PRKX: variants seen among roughly 807,000 people sequenced by gnomAD.
PRKX encodes the protein cAMP-dependent protein kinase catalytic subunit PRKX.
A neutral mutation model predicts 22.0 loss-of-function variants in PRKX; 12 were observed. The observed-to-expected ratio is 0.54, with a 90% CI of 0.35 to 0.88. The LOEUF (loss-of-function observed/expected upper bound fraction) is 0.88. PRKX is among the 40% of genes least tolerant of loss of function. The pLI is 0.01. For synonymous variants in PRKX, 134 were observed against 137.7 expected (o/e 0.97, Z 0.19); for missense variants, 217 against 308.0 (o/e 0.70, Z 2.21).
chrX:3,613,272 C>T (rs770380961), intron 7 of PRKX, among the ~76,000 whole-genome samples: 20 of 106,848 alleles, frequency 1.9e-4, no homozygotes, highest in African/African-American at 2.7e-4. Context: ...GTACATACTA[C>T]GCTACTCTAG....
chrX:3,612,712 G>A (rs770084132), intron 7 of PRKX, among the ~76,000 whole-genome samples: 1 of 110,526 alleles, frequency 9.0e-6, no homozygotes, highest in Non-Finnish European at 1.9e-5. Flanking sequence ...CTTGAGCCCA[G>A]GAGGTCGATA....
chrX:3,611,913 C>A (rs758419424), intron 8 of PRKX, among the ~76,000 whole-genome samples: 2 of 111,544 alleles, frequency 1.8e-5, no homozygotes, highest in East Asian at 5.6e-4. Context: ...AACCACCTAG[C>A]GGTCTTATTT....
At chrX:3,644,332 G>T (rs1239429806) in intron 3 of PRKX, among the ~76,000 whole-genome samples, 1 of 94,192 alleles carries the variant, frequency 1.1e-5, no homozygotes, top group Non-Finnish European at 2.0e-5. Context: ...AGCCCAGGAG[G>T]TCAACACTGC....
intron 1 of PRKX, among the ~76,000 whole-genome samples, chrX:3,680,122 A>G (rs1403074064): frequency 9.4e-6 from 1 of 106,791 alleles, no homozygotes; most frequent in Non-Finnish European, 1.9e-5. Flanking sequence ...ACACAAACAC[A>G]TCCTGGCCTG....
In PRKX at chrX:3,670,811, C is replaced by T. The variant is rs139036263; in HGVS notation, c.335+3787G>A. On this transcript the variant is annotated intron_variant, in intron 2 of 8. Transcript: ENST00000262848. ...ACTCCCACCTCAGCTTCCTAAAATG[C>T]TGGGATTATAAGTGTGAGTCAACAT... 8.1e-3 allele frequency among the ~76,000 whole-genome samples: 899 copies of T among 111,306 alleles called. 8 individuals are homozygous for T. The highest frequency in any genetic ancestry group is 0.013 in the Non-Finnish European group (673 of 53,047).
chrX:3,611,306 T>C (rs914402066), intron 8 of PRKX: 2 of 112,222 alleles, frequency 1.8e-5, no homozygotes, highest in African/African-American at 6.5e-5. Context: ...GTTAGCCAAT[T>C]GGCTTTCCAC....
At chrX:3,650,333 A>G (rs1250513204) in intron 3 of PRKX, among the ~76,000 whole-genome samples, 2 of 103,195 alleles carry the variant, frequency 1.9e-5, no homozygotes. Context: ...CATCCTGGCT[A>G]ACACAGTGAA....
intron 1 of PRKX, among the ~76,000 whole-genome samples, chrX:3,688,731 T>G (rs1052188072): frequency 9.2e-6 from 1 of 109,018 alleles, no homozygotes; most frequent in Non-Finnish European, 1.9e-5. Flanking sequence ...GAGCCGGGTG[T>G]GGTGGTATGC....
rs552837211 is a variant in PRKX, at chrX:3,663,468, A to ACACACAC, written c.336-8057_336-8056insGTGTGTG. ...CACACACACACACACACACACACAC[A>ACACACAC]AAAAAATTCAATTAGCTGGACATAG... On this transcript the variant is annotated intron_variant, in intron 2 of 8. Coordinates refer to ENST00000262848, the MANE Select transcript of PRKX (RefSeq NM_005044.5). Among the ~76,000 whole-genome samples the ACACACAC allele has an allele frequency of 1.9e-4, 10 of 53,605 alleles. 1 individual carries two copies. The highest frequency in any genetic ancestry group is 2.6e-4 in the Non-Finnish European group (8 of 31,205). The allele number at this position is 53,605 out of a possible 115,157, so 46.5% of individuals were successfully genotyped here.
Position 3,612,306 on chromosome X carries a change from A to G in PRKX, c.971T>C (p.Ile324Thr). The part of the protein sequence containing the change: ...RKLKPPIVPK[I>T]AGDGDTSNFE... ...GTTGGAAGTGTCGCCGTCACCAGCT[A>G]TCTTGGGCACGATGGGAGGCTGTGA... The change falls in exon 8 of 9, where the codon ATA (isoleucine) becomes ACA (threonine). Residue 324 changes from isoleucine (I) to threonine (T), a missense_variant. Transcript: ENST00000262848. 2 of 1,210,375 alleles carry G rather than the reference A, an allele frequency of 1.7e-6. No homozygotes were observed. Among genetic ancestry groups the G allele is most frequent in the Non-Finnish European group, 2.2e-6 (2 of 895,058 alleles).
chrX:3,672,991 G>A (rs1927878074), intron 2 of PRKX, among the ~76,000 whole-genome samples: 1 of 111,383 alleles, frequency 9.0e-6, no homozygotes, highest in African/African-American at 3.3e-5. Context: ...ACCCTGTCAA[G>A]AAAGAAAGAG....
chrX:3,625,771 C>T (rs1414305260), intron 5 of PRKX, among the ~76,000 whole-genome samples: 1 of 111,089 alleles, frequency 9.0e-6, no homozygotes, highest in African/African-American at 3.3e-5. Flanking sequence ...CGAGGTTTCA[C>T]CGTGTTTCCC....
intron 2 of PRKX, among the ~76,000 whole-genome samples, chrX:3,666,910 T>TAAA (rs1569055293): frequency 3.6e-3 from 114 of 31,305 alleles, no homozygotes; most frequent in Admixed American, 2.8e-3. Flanking sequence ...CTCATTTCTT[T>TAAA]TAAAAAAAAA....
At chrX:3,676,414 G>C (rs1259591639) in intron 1 of PRKX, among the ~76,000 whole-genome samples, 1 of 111,664 alleles carries the variant, frequency 9.0e-6, no homozygotes, top group African/African-American at 3.3e-5. Flanking sequence ...AAGAGAACCA[G>C]GATCTTCCAG....
intron 4 of PRKX, among the ~76,000 whole-genome samples, chrX:3,629,011 G>A (rs1483023349): frequency 1.8e-5 from 2 of 112,090 alleles, no homozygotes; most frequent in African/African-American, 3.2e-5. Context: ...CTGCACTCCA[G>A]CCTGGGTGAC....
chrX:3,617,097 C>T (rs1202430771), intron 6 of PRKX, among the ~76,000 whole-genome samples: 2 of 109,477 alleles, frequency 1.8e-5, no homozygotes, highest in Non-Finnish European at 3.8e-5. Flanking sequence ...TATATACATA[C>T]TTATACACAT....
At chrX:3,700,795 G>A (rs1441207438) in intron 1 of PRKX, among the ~76,000 whole-genome samples, 1 of 109,923 alleles carries the variant, frequency 9.1e-6, no homozygotes, top group Non-Finnish European at 1.9e-5. Flanking sequence ...TTTTCACCAT[G>A]TTGCCGAGGC....
intron 3 of PRKX, among the ~76,000 whole-genome samples, chrX:3,654,403 GA>G (rs1159319414): frequency 1.0e-5 from 1 of 99,283 alleles, no homozygotes; most frequent in Non-Finnish European, 2.0e-5. Flanking sequence ...ACAGATAACA[GA>G]AAAAAATAAG....
In PRKX at chrX:3,628,189, T is replaced by TA. The variant is rs1004691459; in HGVS notation, c.720-1676dup. 9.1e-5 allele frequency among the ~76,000 whole-genome samples: 10 copies of TA among 109,823 alleles called. No individual in the cohort carries two copies. In the East Asian group the frequency reaches 1.2e-3, roughly 13 times the overall value. ...CTTGTGCTTACTCATACATGAAAGC[T>TA]AAAAAAAAGCTGATCTCCTGAAAGG... On this transcript the variant is annotated intron_variant, in intron 4 of 8. Transcript: ENST00000262848.
Sources: gnomAD v4.1 joint callset for allele counts (sites outside exome capture counted in the v4.1 genomes callset) on GRCh38, gnomAD v4.1.1 for gene constraint, MANE v1.5 for transcripts, NCBI Gene and HGNC (gene_info 2026-07-23, HGNC 2026-07-21) for gene names.